Variants in SCFD2 observed in about 807,000 individuals in gnomAD.
SCFD2 encodes the protein sec1 family domain containing 2, also known as sec1 family domain-containing protein 2.
SCFD2 carries 54 observed loss-of-function variants against 58.9 expected under a neutral mutation model. The observed-to-expected ratio is 0.92, with a 90% confidence interval of 0.74 to 1.15. The LOEUF (loss-of-function observed/expected upper bound fraction) is 1.15. Among genes scored for constraint, SCFD2 ranks in the 50% most tolerant of loss-of-function variants. The pLI is 0.00. For missense variants in SCFD2, 805 were observed against 836.6 expected, an observed-to-expected ratio of 0.96 and a Z score of 0.47; for synonymous variants, 321 against 335.9, an observed-to-expected ratio of 0.96 and a Z score of 0.49.
intron 5 of SCFD2, among the ~76,000 whole-genome samples, chr4:52,997,856 G>A (rs895077663): frequency 1.3e-5 from 2 of 152,110 alleles, no homozygotes; most frequent in African/African-American, 4.8e-5. Flanking sequence ...CTGGGATTTG[G>A]CATGGTGCTA....
At chr4:53,117,621 T>C (rs1725361988) in intron 5 of SCFD2, among the ~76,000 whole-genome samples, 1 of 152,186 alleles carries the variant, frequency 6.6e-6, no homozygotes, top group Non-Finnish European at 1.5e-5. Context: ...CTTCTTTATC[T>C]GGAGGTGTAG....
chr4:53,023,753 GAATGAGGCATAGTATT>G (rs1481645574), intron 5 of SCFD2, among the ~76,000 whole-genome samples: 1 of 152,004 alleles, frequency 6.6e-6, no homozygotes, highest in African/African-American at 2.4e-5. Context: ...ACGTCTTTTG[GAATGAGGCATAGTATT>G]AATAAATGCA....
chr4:53,086,735 A>G (rs1332308316), intron 5 of SCFD2, among the ~76,000 whole-genome samples: 1 of 152,206 alleles, frequency 6.6e-6, no homozygotes, highest in African/African-American at 2.4e-5. Context: ...TTGCAACAAC[A>G]TGGATGGAAT....
At chr4:52,958,997 C>T (rs926345479) in intron 5 of SCFD2, among the ~76,000 whole-genome samples, 2 of 152,168 alleles carry the variant, frequency 1.3e-5, no homozygotes, top group Non-Finnish European at 2.9e-5. Context: ...GGTATTATTA[C>T]ACCTACCTCA....
chr4:53,275,832 CAT>C (rs1349163580), intron 3 of SCFD2, among the ~76,000 whole-genome samples: 1 of 152,162 alleles, frequency 6.6e-6, no homozygotes, highest in African/African-American at 2.4e-5. Flanking sequence ...ATCTGAGATT[CAT>C]CCACGTTGCT....
intron 4 of SCFD2, among the ~76,000 whole-genome samples, chr4:53,238,758 C>T (rs1387798775): frequency 1.4e-5 from 2 of 141,312 alleles, no homozygotes; most frequent in Non-Finnish European, 3.0e-5. Flanking sequence ...ACATCTCAGA[C>T]GATGGGCGGC....
chr4:52,920,697 AAGG>A (rs1719713748), intron 6 of SCFD2, 25 bp downstream of exon 6: 2 of 1,374,584 alleles, frequency 1.5e-6, no homozygotes, highest in African/African-American at 1.6e-5. Flanking sequence ...AACAGATTAG[AAGG>A]TTACTTTAAA....
intron 4 of SCFD2, among the ~76,000 whole-genome samples, chr4:53,221,737 G>A (rs1033492067): frequency 6.6e-6 from 1 of 152,198 alleles, no homozygotes; most frequent in African/African-American, 2.4e-5. Context: ...ATTGACAGGA[G>A]ACAAATTGCA....
intron 4 of SCFD2, among the ~76,000 whole-genome samples, chr4:53,190,792 T>C (rs766567183): frequency 2.0e-5 from 3 of 149,848 alleles, no homozygotes; most frequent in Admixed American, 6.6e-5. Flanking sequence ...TGAAGTGCTC[T>C]GATTCAAATT....
At position 52,906,031 on chromosome 4, in the gene SCFD2, T is replaced by A. The variant is rs111799032; in HGVS notation, c.1842+1426A>T. On this transcript the variant is annotated intron_variant, in intron 7 of 8. Coordinates refer to ENST00000401642, the MANE Select transcript of SCFD2 (RefSeq NM_152540.4). The stretch of plus-strand genomic sequence containing the variant: ...TATTTAAGCCAGTGTTTCTGGAACA[T>A]ATTTGATCAAAGATCCCTTTGGCTA... 4.1e-3 allele frequency among the ~76,000 whole-genome samples: 630 copies of A among 152,334 alleles called. 6 individuals are homozygous for A. Among genetic ancestry groups the A allele is most frequent in the African/African-American group, 0.015 (603 of 41,578 alleles).
rs1436069861 is a variant in SCFD2 at position 53,297,315 on chromosome 4, G to C, written c.1135+16321C>G. ...TCTAAGAACTTGCTTTATGAATCTG[G>C]GTGCTCCTATTGGGTACATATATAT... On this transcript the variant is annotated intron_variant, in intron 3 of 8. Coordinates refer to ENST00000401642, the MANE Select transcript of SCFD2 (RefSeq NM_152540.4). Among the ~76,000 whole-genome samples the C allele has an allele frequency of 2.0e-5, 3 of 152,116 alleles. No individual in the cohort carries two copies. The East Asian group carries it at 5.8e-4, about 29-fold the overall frequency.
intron 4 of SCFD2, among the ~76,000 whole-genome samples, chr4:53,202,757 G>T (rs1419665403): frequency 2.0e-5 from 3 of 151,966 alleles, no homozygotes; most frequent in African/African-American, 7.2e-5. Flanking sequence ...TTGTAAGTTG[G>T]ATTCCTAGGT....
At chr4:53,228,754 T>G (rs981889681) in intron 4 of SCFD2, among the ~76,000 whole-genome samples, 5 of 152,128 alleles carry the variant, frequency 3.3e-5, no homozygotes, top group African/African-American at 7.2e-5. Flanking sequence ...CAACATAGTG[T>G]TGGAAGTTCT....
At chr4:53,115,508 C>G (rs2148887889) in intron 5 of SCFD2, among the ~76,000 whole-genome samples, 1 of 152,172 alleles carries the variant, frequency 6.6e-6, no homozygotes, top group African/African-American at 2.4e-5. Flanking sequence ...GTAGACAGAT[C>G]AATTGCTGTA....
intron 4 of SCFD2, among the ~76,000 whole-genome samples, chr4:53,237,744 G>C (rs866593737): frequency 2.1e-5 from 2 of 96,882 alleles, no homozygotes; most frequent in Admixed American, 9.4e-5. Flanking sequence ...CTCACCTCCC[G>C]GACGGGGCGG....
chr4:53,077,726 C>T (rs1002267978), intron 5 of SCFD2, among the ~76,000 whole-genome samples: 10 of 152,136 alleles, frequency 6.6e-5, no homozygotes, highest in African/African-American at 1.9e-4. Context: ...GCATGAGCCA[C>T]GGCGGCTGGC....
intron 7 of SCFD2, among the ~76,000 whole-genome samples, chr4:52,897,666 T>G (rs1719058906): frequency 1.3e-5 from 2 of 152,188 alleles, no homozygotes; most frequent in Admixed American, 6.5e-5. Flanking sequence ...GCTGCTGGCC[T>G]CATAAAATGA....
chr4:53,311,643 A>ATTT (rs60003479), intron 3 of SCFD2, among the ~76,000 whole-genome samples: 3 of 150,218 alleles, frequency 2.0e-5, no homozygotes, highest in Non-Finnish European at 3.0e-5. Flanking sequence ...TTGATTCACA[A>ATTT]TTTTTTTTTT....
At chr4:52,898,340 C>T (rs1719082318) in intron 7 of SCFD2, among the ~76,000 whole-genome samples, 1 of 152,186 alleles carries the variant, frequency 6.6e-6, no homozygotes, top group Non-Finnish European at 1.5e-5. Context: ...CCCAGAGATT[C>T]CGGTATGTTG....
Sources: gnomAD v4.1 joint callset for allele counts (sites outside exome capture counted in the v4.1 genomes callset) on GRCh38, gnomAD v4.1.1 for gene constraint, MANE v1.5 for transcripts, NCBI Gene and HGNC (gene_info 2026-07-23, HGNC 2026-07-21) for gene names.